Variants in NME7 observed in about 807,000 individuals in gnomAD.
NME7 encodes NME/NM23 family member 7, also known as nucleoside diphosphate kinase 7.
A neutral mutation model predicts 49.1 loss-of-function variants in NME7; 41 were observed. The ratio of observed to expected loss-of-function variants is 0.83; its 90% CI spans 0.65 to 1.08. NME7 has a LOEUF of 1.08. Among genes scored for constraint, NME7 ranks in the 50% least tolerant of loss-of-function variants. The pLI, the probability that NME7 is intolerant of heterozygous loss-of-function variation, is 0.00. For synonymous variants in NME7, 139 were observed against 150.6 expected, an observed-to-expected ratio of 0.92 and a Z score of 0.56; for missense variants, 423 against 463.4, an observed-to-expected ratio of 0.91 and a Z score of 0.80.
intron 11 of NME7, among the ~76,000 whole-genome samples, chr1:169,139,390 ATCACT>A (rs1658526947): frequency 6.6e-6 from 1 of 152,198 alleles, no homozygotes; most frequent in African/African-American, 2.4e-5. Flanking sequence ...CTAAAGACAT[ATCACT>A]TTGTTAAATG....
intron 10 of NME7, among the ~76,000 whole-genome samples, chr1:169,191,781 C>T (rs1330227640): frequency 6.6e-6 from 1 of 152,008 alleles, no homozygotes; most frequent in Non-Finnish European, 1.5e-5. Flanking sequence ...TTGCATATTA[C>T]ATAAAAATGC....
intron 1 of NME7, among the ~76,000 whole-genome samples, chr1:169,337,242 G>A (rs1002070745): frequency 6.6e-6 from 1 of 152,226 alleles, no homozygotes; most frequent in Admixed American, 6.5e-5. Flanking sequence ...GCTAAGGCAC[G>A]CGGTGAGAAA....
rs577723031 is a variant in NME7 at position 169,138,309 on chromosome 1, A to G, written c.1099-5492T>C. On this transcript the variant is annotated intron_variant, in intron 11 of 11. Coordinates refer to ENST00000367811, the MANE Select transcript of NME7 (RefSeq NM_013330.5). ...CTGGGTGACAGGGCGAGACTCCTCA[A>G]AAAAATAAATAAATAAAAATAAAAA... is the stretch of plus-strand genomic sequence containing the variant. 1.4e-4 allele frequency among the ~76,000 whole-genome samples: 20 copies of G among 145,938 alleles called. No homozygotes were observed. The East Asian group carries it at 4.7e-3, about 34-fold the overall frequency.
chr1:169,169,543 C>G lies in NME7; in HGVS notation c.1002G>C (p.Arg334=). Residue 334 remains arginine, a synonymous_variant, in exon 11 of 12, where the codon CGG becomes CGC. Coordinates refer to ENST00000367811, the MANE Select transcript of NME7 (RefSeq NM_013330.5). The stretch of plus-strand genomic sequence containing the variant: ...CTCTGAGAGTTCCAGGGCGTAAATG[C>G]CGGGCAATTTCCTATTAAACATACA... ...FCGPADPEIA[R]HLRPGTLRAI... is the part of the protein sequence containing the mutation. The G allele has an allele frequency of 6.2e-7, 1 of 1,613,758 alleles. No individual in the cohort carries two copies.
At chr1:169,224,047 A>G (rs1661227285) in intron 10 of NME7, among the ~76,000 whole-genome samples, 1 of 152,080 alleles carries the variant, frequency 6.6e-6, no homozygotes, top group Admixed American at 6.6e-5. Context: ...CCAACCTCCC[A>G]TATCTGTCAT....
At chr1:169,333,218 T>G (rs1363148559) in intron 1 of NME7, among the ~76,000 whole-genome samples, 1 of 151,956 alleles carries the variant, frequency 6.6e-6, no homozygotes, top group African/African-American at 2.4e-5. Context: ...AAGACAAACA[T>G]CACATGTTCT....
intron 7 of NME7, chr1:169,287,026 A>T: frequency 3.2e-6 from 1 of 308,894 alleles, no homozygotes; most frequent in Non-Finnish European, 5.9e-6. Flanking sequence ...GAGAGAAGGC[A>T]GACTAAAAGT....
chr1:169,338,461 T>C (rs529687957), intron 1 of NME7, among the ~76,000 whole-genome samples: 2 of 152,312 alleles, frequency 1.3e-5, no homozygotes, highest in Admixed American at 6.5e-5. Flanking sequence ...ATTTCCACAG[T>C]ATGAATATAT....
intron 3 of NME7, among the ~76,000 whole-genome samples, chr1:169,311,392 C>G (rs965500458): frequency 1.4e-5 from 2 of 140,862 alleles, no homozygotes; most frequent in Non-Finnish European, 3.0e-5. Flanking sequence ...GCACTCCAGC[C>G]TGGGCGACAG....
At chr1:169,251,889 C>T (rs1351204783) in intron 7 of NME7, among the ~76,000 whole-genome samples, 9 of 151,592 alleles carry the variant, frequency 5.9e-5, no homozygotes. Flanking sequence ...AGGACATGAA[C>T]TCATCATTTT....
chr1:169,221,186 T>C (rs1452772321), intron 10 of NME7, among the ~76,000 whole-genome samples: 1 of 152,162 alleles, frequency 6.6e-6, no homozygotes, highest in Non-Finnish European at 1.5e-5. Flanking sequence ...CCATGTCTAT[T>C]ACCACCATCC....
At chr1:169,154,180 A>C (rs1658996901) in intron 11 of NME7, among the ~76,000 whole-genome samples, 1 of 150,012 alleles carries the variant, frequency 6.7e-6, no homozygotes, top group South Asian at 2.1e-4. Flanking sequence ...CACCTGGCTA[A>C]TTTTTGTATT....
intron 7 of NME7, chr1:169,247,117 T>C (rs1648353644): frequency 2.2e-6 from 1 of 455,092 alleles, no homozygotes; most frequent in Non-Finnish European, 4.4e-6. Flanking sequence ...TATACCTTGG[T>C]TGAAATAAGA....
rs553330347 is a variant in NME7 at position 169,256,672 on chromosome 1, G to GT, written c.755-18986dup. Reference sequence around the variant, plus strand: ...TTAGAGTTTCCAGTTTTTCTGTTCTGTTTTTTCCCCATCTTTGTGGTTTTA... The same window carrying GT: ...TTAGAGTTTCCAGTTTTTCTGTTCTGTTTTTTTCCCCATCTTTGTGGTTTTA... On this transcript the variant is annotated intron_variant, in intron 7 of 11. Transcript: ENST00000367811. 0.044 allele frequency among the ~76,000 whole-genome samples: 5,311 copies of GT among 120,304 alleles called. 778 individuals carry two copies. In the East Asian group the frequency reaches 0.62, roughly 14 times the overall value. 78.9% of individuals were successfully genotyped at this position (120,304 alleles called of 152,430 possible).
At chr1:169,144,281 G>A (rs184840281) in intron 11 of NME7, among the ~76,000 whole-genome samples, 2 of 152,216 alleles carry the variant, frequency 1.3e-5, no homozygotes, top group East Asian at 3.9e-4. Context: ...TCCCTCAAAT[G>A]AGAAGACAAA....
At chr1:169,267,882 C>A (rs1396411943) in intron 7 of NME7, among the ~76,000 whole-genome samples, 1 of 133,200 alleles carries the variant, frequency 7.5e-6, no homozygotes, top group Non-Finnish European at 1.8e-5. Flanking sequence ...TAGGAACTGG[C>A]AAAGATTTCA....
At chr1:169,300,775 A>C (rs1490098948) in intron 5 of NME7, among the ~76,000 whole-genome samples, 2 of 152,154 alleles carry the variant, frequency 1.3e-5, no homozygotes, top group Non-Finnish European at 2.9e-5. Context: ...CCCAGAAATA[A>C]AGCCACACAT....
At chr1:169,331,560 A>T (rs141759788) in intron 1 of NME7, among the ~76,000 whole-genome samples, 52 of 152,330 alleles carry the variant, frequency 3.4e-4, no homozygotes, top group African/African-American at 1.2e-3. Flanking sequence ...ATATGATTTT[A>T]TATTTGGAAA....
chr1:169,327,286 C>A (rs1652093747), intron 1 of NME7, among the ~76,000 whole-genome samples: 1 of 152,172 alleles, frequency 6.6e-6, no homozygotes, highest in African/African-American at 2.4e-5. Context: ...ATCAAAAGTA[C>A]TTTATGAGGA....
Sources: allele counts gnomAD v4.1 joint callset (sites outside exome capture counted in the v4.1 genomes callset), GRCh38; gene constraint gnomAD v4.1.1; transcripts MANE v1.5; gene names NCBI Gene and HGNC (gene_info 2026-07-23, HGNC 2026-07-21).